Variants in P2RX3 observed in about 807,000 individuals in gnomAD.
P2RX3 encodes P2X purinoceptor 3.
P2RX3 carries 41 observed loss-of-function variants against 51.5 expected under a neutral mutation model. The ratio of observed to expected loss-of-function variants is 0.80; its 90% CI spans 0.62 to 1.03. The LOEUF (loss-of-function observed/expected upper bound fraction) is 1.03. Ranked by LOEUF, P2RX3 falls within the 50% of genes least tolerant of loss-of-function variation. P2RX3 has a pLI of 0.00. For synonymous variants in P2RX3, 185 were observed against 191.6 expected (o/e 0.97, Z 0.29); for missense variants, 459 against 522.1 (o/e 0.88, Z 1.18).
At chr11:57,364,504 G>A (rs1018160608) in intron 8 of P2RX3, among the ~76,000 whole-genome samples, 7 of 152,170 alleles carry the variant, frequency 4.6e-5, no homozygotes, top group African/African-American at 1.7e-4. Context: ...TTCCTATATT[G>A]TTGGTGCTCT....
intron 6 of P2RX3, 58 bp from the exon 7 acceptor site, chr11:57,349,699 T>A: frequency 6.2e-7 from 1 of 1,608,126 alleles, no homozygotes; most frequent in South Asian, 1.1e-5. Context: ...GGGGAGAGAT[T>A]GCACAAGACG....
intron 1 of P2RX3, among the ~76,000 whole-genome samples, chr11:57,339,316 G>C (rs1856296011): frequency 6.6e-6 from 1 of 152,160 alleles, no homozygotes; most frequent in Admixed American, 6.5e-5. Context: ...AGGCCCAAGG[G>C]AAGAGTGGCC....
rs764458239 is a variant in P2RX3, at chr11:57,368,457, G to A, written c.1002+20G>A. On this transcript the variant is annotated intron_variant, in intron 10 of 11. Transcript: ENST00000263314. The stretch of plus-strand genomic sequence containing the variant: ...GGAGTGGTGAGTTCAGCCCCTCCAC[G>A]CTCTGACGGGCCAGTCAGAGTGGGG... The A allele has an allele frequency of 3.7e-6, 6 of 1,613,460 alleles. No individual in the cohort carries two copies. Among genetic ancestry groups the A allele is most frequent in the South Asian group, 2.2e-5 (2 of 91,044 alleles).
intron 5 of P2RX3, 75 bp from the exon 6 acceptor site, chr11:57,348,552 G>T: frequency 7.9e-7 from 1 of 1,269,488 alleles, no homozygotes; most frequent in Non-Finnish European, 1.1e-6. Flanking sequence ...CACCAGGAAA[G>T]GTCGCCCTCA....
At chr11:57,350,295 C>CTTTTTT in intron 7 of P2RX3, 1 of 101,394 alleles carries the variant, frequency 9.9e-6, no homozygotes, top group Non-Finnish European at 2.1e-5. Flanking sequence ...CGAGCCACAA[C>CTTTTTT]CTTTTTTTTT....
At chr11:57,346,745 G>A (rs1046475820) in intron 2 of P2RX3, 66 bp downstream of exon 2, 10 of 1,582,594 alleles carry the variant, frequency 6.3e-6, no homozygotes, top group Non-Finnish European at 8.6e-6. Context: ...AAGGGAGAAA[G>A]CGAGCAAAGA....
At chr11:57,337,798 T>TAACA (rs1856263194), upstream of P2RX3, among the ~76,000 whole-genome samples, 1 of 152,194 alleles carries the variant, frequency 6.6e-6, no homozygotes, top group South Asian at 2.1e-4. Context: ...AACCTGCACG[T>TAACA]TGTGCAGGTT....
At chr11:57,357,198 G>C (rs1190421773) in intron 8 of P2RX3, among the ~76,000 whole-genome samples, 1 of 152,192 alleles carries the variant, frequency 6.6e-6, no homozygotes, top group Non-Finnish European at 1.5e-5. Flanking sequence ...GCACGCACCT[G>C]TAATCCCAGT....
Position 57,348,177 on chromosome 11 carries a change from C to A in P2RX3, c.399C>A (p.Leu133=). Residue 133 remains leucine (L), a synonymous_variant, in exon 5 of 12, where the codon CTC becomes CTA. Transcript: ENST00000263314. ...GPERLPGGGI[L]TGRCVNYSSV... Reference sequence around the variant, plus strand: ...CTGTGGCTCTCACTTTAGGGATCCTCACTGGCCGCTGCGTGAACTACAGCT... The same window carrying A: ...CTGTGGCTCTCACTTTAGGGATCCTAACTGGCCGCTGCGTGAACTACAGCT... 1 of 1,584,906 alleles carries A rather than the reference C, an allele frequency of 6.3e-7. No homozygotes were observed. Among genetic ancestry groups the A allele is most frequent in the East Asian group, 2.3e-5 (1 of 43,930 alleles).
Position 57,348,186 on chromosome 11 carries a change from C to A in P2RX3, c.408C>A (p.Arg136=), listed in dbSNP as rs140892759. The change falls in exon 5 of 12, where the codon CGC becomes CGA. Residue 136 remains arginine (R), a synonymous_variant. Transcript: ENST00000263314. ...TCACTTTAGGGATCCTCACTGGCCG[C>A]TGCGTGAACTACAGCTCTGTGCTCC... ...RLPGGGILTG[R]CVNYSSVLRT... 14 of 1,591,640 alleles carry A rather than the reference C, an allele frequency of 8.8e-6. No individual in the cohort carries two copies. The African/African-American group carries it at 1.9e-4, about 21-fold the overall frequency.
rs758194703 is a variant in P2RX3 at position 57,369,422 on chromosome 11, C to T, written c.1064C>T (p.Ala355Val). The change falls in exon 11 of 12, where the codon GCC (alanine) becomes GTC (valine). Residue 355 changes from alanine (A) to valine (V), a missense_variant. By Grantham distance (64) the Ala-to-Val change is moderately conservative. Transcript: ENST00000263314. ...NFLKGADQYKAKKFEEVNETT... is the reference protein window; with the variant it reads ...NFLKGADQYKVKKFEEVNETT... Reference sequence around the variant, plus strand: ...CTCAAGGGGGCCGACCAGTACAAAGCCAAGAAGTTTGAGGAGGTGAGTTGG... The same window carrying T: ...CTCAAGGGGGCCGACCAGTACAAAGTCAAGAAGTTTGAGGAGGTGAGTTGG... The T allele has an allele frequency of 1.2e-6, 2 of 1,608,490 alleles. No individual in the cohort carries two copies. The highest frequency in any genetic ancestry group is 1.7e-6 in the Non-Finnish European group (2 of 1,177,980).
Position 57,348,708 on chromosome 11 carries a change from A to AG in P2RX3, c.563+5dup. 1 of 1,610,516 alleles carries AG rather than the reference A, an allele frequency of 6.2e-7. No individual in the cohort carries two copies. The highest frequency in any genetic ancestry group is 1.1e-5 in the South Asian group (1 of 90,948). ...TCCCCCTCTTCAACTTTGAGAAGTGAGTCCCCACTCCTTCCCTAAAGCCAA... is the reference window on the plus strand; with the variant it reads ...TCCCCCTCTTCAACTTTGAGAAGTGAGGTCCCCACTCCTTCCCTAAAGCCAA... On this transcript the variant is annotated splice_donor_region_variant and intron_variant, in intron 6 of 11. Coordinates refer to ENST00000263314, the MANE Select transcript of P2RX3 (RefSeq NM_002559.5).
At chr11:57,340,333 A>G (rs1468035582) in intron 1 of P2RX3, among the ~76,000 whole-genome samples, 9 of 152,160 alleles carry the variant, frequency 5.9e-5, no homozygotes, top group Non-Finnish European at 1.0e-4. Context: ...AGAATCCTCC[A>G]GTCCTCAGGG....
chr11:57,368,227 G>T, intron 9 of P2RX3, 125 bp downstream of exon 9: 2 of 1,299,426 alleles, frequency 1.5e-6, no homozygotes, highest in South Asian at 1.2e-5. Flanking sequence ...CCCTCAGTGG[G>T]TCACTCTCCC....
At chr11:57,337,440 T>TA (rs542576170), upstream of P2RX3, among the ~76,000 whole-genome samples, 47 of 144,334 alleles carry the variant, frequency 3.3e-4, no homozygotes, top group Middle Eastern at 3.5e-3. Context: ...AAGTGACAGT[T>TA]AAAAAAAAAA....
rs1364378142 is a variant in P2RX3, at chr11:57,369,995, T to C, written c.1192T>C (p.Ter398GlnextTer39). ...TDSGAFSIGH* is the reference protein window; with the variant it reads ...TDSGAFSIGHQ The stretch of plus-strand genomic sequence containing the variant: ...TTCGGGGGCCTTCTCCATAGGCCAC[T>C]AGGGCCTCTTTCCAGGGCCCCACAC... Residue 398 changes from the stop codon to glutamine (Q), a stop_lost, in exon 12 of 12, where the codon TAG (stop) becomes CAG (glutamine). Transcript: ENST00000263314. The C allele has an allele frequency of 6.2e-7, 1 of 1,604,420 alleles. No homozygotes were observed. The highest frequency in any genetic ancestry group is 1.7e-5 in the Admixed American group (1 of 59,964).
intron 8 of P2RX3, among the ~76,000 whole-genome samples, chr11:57,353,566 G>T (rs978607126): frequency 1.3e-5 from 2 of 152,138 alleles, no homozygotes; most frequent in Non-Finnish European, 2.9e-5. Context: ...TAAAAACAAA[G>T]AATCTAAGTT....
Position 57,348,682 on chromosome 11 carries a change from T to C in P2RX3, c.541T>C (p.Phe181Leu). Residue 181 changes from phenylalanine to leucine, a missense_variant, in exon 6 of 12, where the codon TTC (phenylalanine) becomes CTC (leucine). By Grantham distance (22) the Phe-to-Leu change is conservative. Transcript: ENST00000263314. The part of the protein sequence containing the change: ...FTIFIKNSIR[F>L]PLFNFEKGNL... ...TATTTTCATCAAGAACAGCATCCGTTTCCCCCTCTTCAACTTTGAGAAGTG... is the reference window on the plus strand; with the variant it reads ...TATTTTCATCAAGAACAGCATCCGTCTCCCCCTCTTCAACTTTGAGAAGTG... The C allele has an allele frequency of 6.2e-7, 1 of 1,613,690 alleles. No individual in the cohort carries two copies. Among genetic ancestry groups the C allele is most frequent in the East Asian group, 2.2e-5 (1 of 44,874 alleles).
At chr11:57,342,530 C>T (rs1022454306) in intron 1 of P2RX3, among the ~76,000 whole-genome samples, 2 of 152,006 alleles carry the variant, frequency 1.3e-5, no homozygotes, top group African/African-American at 4.8e-5. Context: ...GCCCTCTCCC[C>T]CAATATGGAA....
Sources: gnomAD v4.1 joint callset for allele counts (sites outside exome capture counted in the v4.1 genomes callset) on GRCh38, gnomAD v4.1.1 for gene constraint, MANE v1.5 for transcripts, NCBI Gene and HGNC (gene_info 2026-07-23, HGNC 2026-07-21) for gene names.